Variants in CUL5 observed in about 807,000 individuals in gnomAD.
CUL5 encodes the protein cullin-5.
CUL5 carries 26 observed loss-of-function variants against 108.8 expected under a neutral mutation model. The observed-to-expected ratio is 0.24, with a 90% CI of 0.18 to 0.33. The LOEUF (loss-of-function observed/expected upper bound fraction) is 0.33. Ranked by LOEUF, CUL5 falls within the 10% of genes least tolerant of loss-of-function variation. The pLI is 1.00. For missense variants in CUL5, 524 were observed against 909.2 expected (o/e 0.58, Z 5.45); for synonymous variants, 334 against 298.0 (o/e 1.12, Z -1.25).
In CUL5 at chr11:108,104,563, T is replaced by G; in HGVS notation, c.*179T>G. 2.2e-6 allele frequency: 1 copy of G among 464,136 alleles called. No individual in the cohort carries two copies. Among genetic ancestry groups the G allele is most frequent in the Admixed American group, 4.3e-5 (1 of 23,472 alleles). The allele number at this position is 464,136 out of a possible 1,614,324, so 28.8% of individuals were successfully genotyped here. On this transcript the variant is annotated 3_prime_UTR_variant, in exon 19 of 19. Coordinates refer to ENST00000393094, the MANE Select transcript of CUL5 (RefSeq NM_003478.6). Reference sequence around the variant, plus strand: ...ATCACATTAGTTAGCATGATGGCATTCCCTTCATGTTGCACACTCTTTGAC... The same window carrying G: ...ATCACATTAGTTAGCATGATGGCATGCCCTTCATGTTGCACACTCTTTGAC...
chr11:108,078,983 T>C (rs1287473197), intron 11 of CUL5, among the ~76,000 whole-genome samples: 1 of 152,140 alleles, frequency 6.6e-6, no homozygotes, highest in Non-Finnish European at 1.5e-5. Flanking sequence ...GGGAATATGT[T>C]CTCTTTTATA....
intron 8 of CUL5, among the ~76,000 whole-genome samples, chr11:108,071,174 T>C (rs1225541758): frequency 6.6e-6 from 1 of 152,234 alleles, no homozygotes; most frequent in East Asian, 1.9e-4. Context: ...CTTTTGATGA[T>C]ATGGCTGTAT....
intron 2 of CUL5, among the ~76,000 whole-genome samples, chr11:108,036,424 A>G (rs1310359543): frequency 6.6e-6 from 1 of 152,204 alleles, no homozygotes; most frequent in Non-Finnish European, 1.5e-5. Context: ...TTATACATCT[A>G]GATGCAATAG....
At chr11:108,027,232 G>A (rs1472461324) in intron 1 of CUL5, among the ~76,000 whole-genome samples, 1 of 151,014 alleles carries the variant, frequency 6.6e-6, no homozygotes, top group East Asian at 2.0e-4. Context: ...CCGCCTCCAG[G>A]CCTTAGTAGC....
chr11:108,068,433 C>T (rs1863743191), intron 7 of CUL5, among the ~76,000 whole-genome samples: 1 of 152,088 alleles, frequency 6.6e-6, no homozygotes, highest in Non-Finnish European at 1.5e-5. Context: ...ACCCTCCCAC[C>T]TCAGCCCCCC....
chr11:108,042,665 C>T (rs1862959127), intron 2 of CUL5, among the ~76,000 whole-genome samples: 2 of 152,160 alleles, frequency 1.3e-5, no homozygotes, highest in African/African-American at 4.8e-5. Flanking sequence ...CTCTCTACCT[C>T]TCACTCACCC....
At chr11:108,037,411 C>G (rs1862774259) in intron 2 of CUL5, among the ~76,000 whole-genome samples, 1 of 152,188 alleles carries the variant, frequency 6.6e-6, no homozygotes, top group African/African-American at 2.4e-5. Flanking sequence ...ATCCCAAGGT[C>G]ACCCCTAGGC....
Position 108,009,055 on chromosome 11 carries a change from A to C in CUL5, c.-294A>C. 2.1e-6 allele frequency: 1 copy of C among 485,854 alleles called. No individual in the cohort carries two copies. Among genetic ancestry groups the C allele is most frequent in the Non-Finnish European group, 3.7e-6 (1 of 272,160 alleles). The allele number at this position is 485,854 out of a possible 1,614,324, so 30.1% of individuals were successfully genotyped here. On this transcript the variant is annotated 5_prime_UTR_variant, in exon 1 of 19. Coordinates refer to ENST00000393094, the MANE Select transcript of CUL5 (RefSeq NM_003478.6). Reference sequence around the variant, plus strand: ...TCGTGGAGTCGATGCTTCCTCTTCCAAGTCAGGTCGGCTCCCGTTACCTTC... The same window carrying C: ...TCGTGGAGTCGATGCTTCCTCTTCCCAGTCAGGTCGGCTCCCGTTACCTTC...
At chr11:108,043,465 T>G (rs1862986265) in intron 2 of CUL5, among the ~76,000 whole-genome samples, 1 of 152,324 alleles carries the variant, frequency 6.6e-6, no homozygotes, top group Non-Finnish European at 1.5e-5. Flanking sequence ...TAATTTATTC[T>G]AAGAGTATTG....
At chr11:108,023,365 A>G (rs1862373465) in intron 1 of CUL5, among the ~76,000 whole-genome samples, 1 of 152,036 alleles carries the variant, frequency 6.6e-6, no homozygotes. Flanking sequence ...CAATTTATAC[A>G]TTTTTTTCCC....
intron 3 of CUL5, among the ~76,000 whole-genome samples, chr11:108,048,673 T>A (rs1863130275): frequency 2.2e-5 from 2 of 92,720 alleles, no homozygotes; most frequent in Admixed American, 1.1e-4. Flanking sequence ...TTTTTTTTTT[T>A]TTTTTTTTTT....
intron 18 of CUL5, among the ~76,000 whole-genome samples, chr11:108,101,687 T>G (rs1258734898): frequency 6.6e-6 from 1 of 152,182 alleles, no homozygotes; most frequent in Non-Finnish European, 1.5e-5. Context: ...ATTATTTCCC[T>G]CATACTGTGC....
intron 7 of CUL5, among the ~76,000 whole-genome samples, chr11:108,060,497 A>G (rs1277201022): frequency 1.3e-5 from 2 of 152,032 alleles, no homozygotes; most frequent in Non-Finnish European, 2.9e-5. Context: ...TTTTTAAACG[A>G]AATTTGAGCG....
At chr11:108,099,043 T>A (rs1382687450) in intron 18 of CUL5, among the ~76,000 whole-genome samples, 2 of 150,354 alleles carry the variant, frequency 1.3e-5, no homozygotes, top group African/African-American at 4.9e-5. Context: ...CTCACTTTGT[T>A]GCCCAGGCTA....
chr11:108,071,499 A>G (rs769613037), intron 8 of CUL5, among the ~76,000 whole-genome samples: 1 of 152,074 alleles, frequency 6.6e-6, no homozygotes, highest in Non-Finnish European at 1.5e-5. Context: ...TTCTGGCCAA[A>G]TGACTGACCT....
chr11:108,026,169 G>A (rs1344760963), intron 1 of CUL5, among the ~76,000 whole-genome samples: 1 of 151,862 alleles, frequency 6.6e-6, no homozygotes, highest in Non-Finnish European at 1.5e-5. Flanking sequence ...CCCCTGTCTT[G>A]TTCTGCTTGG....
At chr11:108,060,555 G>A (rs1188832910) in intron 7 of CUL5, among the ~76,000 whole-genome samples, 2 of 152,224 alleles carry the variant, frequency 1.3e-5, no homozygotes, top group East Asian at 3.9e-4. Context: ...GAAGAATCTG[G>A]CTGGATGCCG....
chr11:108,073,514 A>C lies in CUL5; in HGVS notation c.1113+17A>C. Reference sequence around the variant, plus strand: ...AGAGATAAGGTATATATTCCTATATATATAAAAAACACTTTTAAAAGTTTT... The same window carrying C: ...AGAGATAAGGTATATATTCCTATATCTATAAAAAACACTTTTAAAAGTTTT... On this transcript the variant is annotated intron_variant, in intron 10 of 18. Coordinates refer to ENST00000393094, the MANE Select transcript of CUL5 (RefSeq NM_003478.6). 1.7e-6 allele frequency: 2 copies of C among 1,203,700 alleles called. No homozygotes were observed. The highest frequency in any genetic ancestry group is 2.3e-6 in the Non-Finnish European group (2 of 855,940). 74.6% of individuals were successfully genotyped at this position (1,203,700 alleles called of 1,614,324 possible).
At chr11:108,033,959 G>A (rs769462644) in intron 2 of CUL5, 48 bp downstream of exon 2, 19 of 1,139,134 alleles carry the variant, frequency 1.7e-5, no homozygotes, top group Non-Finnish European at 2.5e-5. Flanking sequence ...AAATTTTAGT[G>A]ATGTCTTTCC....
Sources: gnomAD v4.1 joint callset for allele counts (sites outside exome capture counted in the v4.1 genomes callset) on GRCh38, gnomAD v4.1.1 for gene constraint, MANE v1.5 for transcripts, NCBI Gene and HGNC (gene_info 2026-07-23, HGNC 2026-07-21) for gene names.